TET2: variants seen among roughly 807,000 people sequenced by gnomAD.
TET2 encodes the protein methylcytosine dioxygenase TET2.
TET2 carries 299 observed loss-of-function variants against 142.9 expected under a neutral mutation model. That is an observed-to-expected ratio of 2.09 (90% confidence interval 1.90 to 2.30). The LOEUF (loss-of-function observed/expected upper bound fraction) is 2.30. Among genes scored for constraint, TET2 ranks in the 30% most tolerant of loss-of-function variants. The probability of loss-of-function intolerance (pLI) is 0.00; values close to 1 mark genes in which losing one functional copy is unlikely to be tolerated. For synonymous variants in TET2, 819 were observed against 849.0 expected (o/e 0.96, Z 0.61); for missense variants, 2,418 against 2,378.0 (o/e 1.02, Z -0.35).
At chr4:105,167,372 A>T (rs964348175) in intron 1 of TET2, among the ~76,000 whole-genome samples, 2 of 152,038 alleles carry the variant, frequency 1.3e-5, no homozygotes, top group Non-Finnish European at 2.9e-5. Flanking sequence ...GTATATGTGT[A>T]CACATATACA....
At chr4:105,183,889 TCTC>T (rs767458574) in intron 1 of TET2, among the ~76,000 whole-genome samples, 23 of 152,314 alleles carry the variant, frequency 1.5e-4, no homozygotes, top group Admixed American at 3.9e-4. Flanking sequence ...ACTCCTTTCT[TCTC>T]CTATACTACT....
chr4:105,246,253 G>A (rs940165480), intron 6 of TET2, among the ~76,000 whole-genome samples: 4 of 146,462 alleles, frequency 2.7e-5, no homozygotes, highest in Non-Finnish European at 6.0e-5. Flanking sequence ...AAATGCCAAT[G>A]CCTGAAATGG....
At position 105,275,397 on chromosome 4, in the gene TET2, A is replaced by G; in HGVS notation, c.4887A>G (p.Pro1629=). 3 of 1,551,656 alleles carry G rather than the reference A, an allele frequency of 1.9e-6. No homozygotes were observed. Among genetic ancestry groups the G allele is most frequent in the Non-Finnish European group, 8.7e-7 (1 of 1,146,970 alleles). Reference sequence around the variant, plus strand: ...TTTTGAATCAGAATACCCAATATCCATCATATCAATGCAATGGAAACCTAT... The same window carrying G: ...TTTTGAATCAGAATACCCAATATCCGTCATATCAATGCAATGGAAACCTAT... ...PGLLNQNTQY[P]SYQCNGNLSV... is the part of the protein sequence containing the mutation. Residue 1629 remains proline, a synonymous_variant, in exon 11 of 11, where the codon CCA becomes CCG. Transcript: ENST00000380013.
At chr4:105,224,679 A>ATATGTCAAATATGACATAACATAATT (rs1728062793) in intron 2 of TET2, among the ~76,000 whole-genome samples, 1 of 77,284 alleles carries the variant, frequency 1.3e-5, no homozygotes, top group Non-Finnish European at 2.8e-5. Context: ...TTGACATATC[A>ATATGTCAAATATGACATAACATAATT]GCCAGTCTCT....
intron 1 of TET2, among the ~76,000 whole-genome samples, chr4:105,154,096 G>C (rs975304263): frequency 6.6e-6 from 1 of 152,232 alleles, no homozygotes; most frequent in African/African-American, 2.4e-5. Context: ...AATCTAAGGA[G>C]ACAGAAAGTT....
rs1388148871 is a variant in TET2, at chr4:105,235,776, C to G, written c.1834C>G (p.Pro612Ala). 2 of 1,614,148 alleles carry G rather than the reference C, an allele frequency of 1.2e-6. No individual in the cohort carries two copies. The highest frequency in any genetic ancestry group is 1.1e-5 in the South Asian group (1 of 91,084). Residue 612 changes from proline to alanine, a missense_variant, in exon 3 of 11, where the codon CCT becomes GCT. Physicochemically the swap from Pro to Ala is conservative, Grantham distance 27. Coordinates refer to ENST00000380013, the MANE Select transcript of TET2 (RefSeq NM_001127208.3). ...SKQYTGNSNM[P>A]GGLPRQAYTQ... ...ACAATACACTGGAAATTCCAACATGCCTGGGGGGCTCCCAAGGCAAGCTTA... is the reference window on the plus strand; with the variant it reads ...ACAATACACTGGAAATTCCAACATGGCTGGGGGGCTCCCAAGGCAAGCTTA...
intron 1 of TET2, among the ~76,000 whole-genome samples, chr4:105,162,948 A>G (rs954943697): frequency 3.9e-5 from 6 of 152,194 alleles, no homozygotes; most frequent in Non-Finnish European, 4.4e-5. Context: ...GAAATATGCA[A>G]TGATAAACTA....
intron 6 of TET2, among the ~76,000 whole-genome samples, chr4:105,251,205 A>C (rs1016372589): frequency 3.3e-5 from 5 of 151,816 alleles, no homozygotes; most frequent in Admixed American, 6.6e-5. Flanking sequence ...TTGTTTCTTC[A>C]CTTCCAATCT....
chr4:105,150,175 T>G (rs1723229499), intron 1 of TET2, among the ~76,000 whole-genome samples: 1 of 152,192 alleles, frequency 6.6e-6, no homozygotes, highest in African/African-American at 2.4e-5. Context: ...GTAGGTAAAT[T>G]CTTATGAATT....
rs2110255069 is a variant in TET2 at position 105,243,651 on chromosome 4, A to G, written c.3676A>G (p.Ile1226Val). The G allele has an allele frequency of 6.4e-7, 1 of 1,551,564 alleles. No homozygotes were observed. Among genetic ancestry groups the G allele is most frequent in the Non-Finnish European group, 8.7e-7 (1 of 1,146,946 alleles). Residue 1226 changes from isoleucine (I) to valine (V), a missense_variant, in exon 6 of 11, where the codon ATT (isoleucine) becomes GTT (valine). Transcript: ENST00000380013. ...RAGHTCEAAV[I>V]VILILVWEGI... is the part of the protein sequence containing the mutation. ...TGGCCACACCTGTGAGGCTGCAGTGATTGTGATTCTCATCCTGGTGTGGGA... is the reference window on the plus strand; with the variant it reads ...TGGCCACACCTGTGAGGCTGCAGTGGTTGTGATTCTCATCCTGGTGTGGGA...
rs61328453 is a variant in TET2 at position 105,278,171 on chromosome 4, CAT to C, written c.*1683_*1684del. 0.14 allele frequency: 16,001 copies of C among 113,838 alleles called. 973 individuals are homozygous for C. The highest frequency in any genetic ancestry group is 0.27 in the East Asian group (1,381 of 5,086). The allele number at this position is 113,838 out of a possible 1,614,324, so 7.1% of individuals were successfully genotyped here. A position where few individuals can be genotyped will look rare whatever the true frequency, so the allele number is the denominator to read the frequency against. On this transcript the variant is annotated 3_prime_UTR_variant, in exon 11 of 11. Transcript: ENST00000380013. ...GTACTGTAAAAAAATTAAATATATA[CAT>C]ATATATATATATATATATATATATA...
intron 1 of TET2, among the ~76,000 whole-genome samples, chr4:105,188,114 C>G (rs1331236286): frequency 6.6e-6 from 1 of 152,122 alleles, no homozygotes; most frequent in Middle Eastern, 3.2e-3. Context: ...GTAGAAGCAA[C>G]CCAAATGCCT....
chr4:105,274,442 C>CT (rs1024898286), intron 10 of TET2, among the ~76,000 whole-genome samples: 2 of 151,916 alleles, frequency 1.3e-5, no homozygotes, highest in African/African-American at 2.4e-5. Flanking sequence ...ACGTGTCATT[C>CT]TTTTTTTTCA....
chr4:105,175,571 A>G (rs1476502103), intron 1 of TET2, among the ~76,000 whole-genome samples: 1 of 152,172 alleles, frequency 6.6e-6, no homozygotes, highest in Non-Finnish European at 1.5e-5. Context: ...GAGATTATTC[A>G]AGAACTGCAG....
chr4:105,168,923 C>A (rs945268413), intron 1 of TET2, among the ~76,000 whole-genome samples: 13 of 152,158 alleles, frequency 8.5e-5, no homozygotes, highest in African/African-American at 3.1e-4. Context: ...TAATTCATTC[C>A]TTTTTATGGC....
chr4:105,166,929 T>C (rs2110400150), intron 1 of TET2, among the ~76,000 whole-genome samples: 2 of 152,258 alleles, frequency 1.3e-5, no homozygotes, highest in Non-Finnish European at 2.9e-5. Context: ...TTAAAATGTA[T>C]TCTTCTCAGC....
In TET2 at chr4:105,276,072, T is replaced by G; in HGVS notation, c.5562T>G (p.Phe1854Leu). The G allele has an allele frequency of 6.4e-7, 1 of 1,551,684 alleles. No homozygotes were observed. The highest frequency in any genetic ancestry group is 8.7e-7 in the Non-Finnish European group (1 of 1,146,968). The change falls in exon 11 of 11, where the codon TTT becomes TTG. Residue 1854 changes from phenylalanine to leucine, a missense_variant. Physicochemically the swap from Phe to Leu is conservative, Grantham distance 22. Coordinates refer to ENST00000380013, the MANE Select transcript of TET2 (RefSeq NM_001127208.3). ...TCTGGTCAGACAGCGAGCAGAGCTT[T>G]CTGGATCCTGACATTGGGGGAGTGG... ...DEVWSDSEQS[F>L]LDPDIGGVAV...
rs372894768 is a variant in TET2 at position 105,246,363 on chromosome 4, T to C, written c.3803+2585T>C. On this transcript the variant is annotated intron_variant, in intron 6 of 10. Coordinates refer to ENST00000380013, the MANE Select transcript of TET2 (RefSeq NM_001127208.3). ...AGAGTCTCAGAAAGCTTGTAGTTTG[T>C]TAGTTTAACTGCTCTAAATGTCAGG... Among the ~76,000 whole-genome samples the C allele has an allele frequency of 3.3e-5, 5 of 152,256 alleles. No individual in the cohort carries two copies. The East Asian group carries it at 9.6e-4, about 29-fold the overall frequency.
At chr4:105,151,925 A>C (rs1312242680) in intron 1 of TET2, among the ~76,000 whole-genome samples, 1 of 151,770 alleles carries the variant, frequency 6.6e-6, no homozygotes, top group Non-Finnish European at 1.5e-5. Context: ...AAATACAAAA[A>C]TTAGCCGGGC....
Sources: gnomAD v4.1 joint callset for allele counts (sites outside exome capture counted in the v4.1 genomes callset) on GRCh38, gnomAD v4.1.1 for gene constraint, MANE v1.5 for transcripts, NCBI Gene and HGNC (gene_info 2026-07-23, HGNC 2026-07-21) for gene names.